Variants in SLC31A1 observed in about 807,000 individuals in gnomAD.
SLC31A1 encodes the protein high affinity copper uptake protein 1.
SLC31A1 carries 5 observed loss-of-function variants against 17.2 expected under a neutral mutation model. That is an observed-to-expected ratio of 0.29 (90% CI 0.15 to 0.61). The LOEUF (loss-of-function observed/expected upper bound fraction) is 0.61. Ranked by LOEUF, SLC31A1 falls within the 20% of genes least tolerant of loss-of-function variation. The probability of loss-of-function intolerance (pLI) is 0.86; values close to 1 mark genes in which losing one functional copy is unlikely to be tolerated. For synonymous variants in SLC31A1, 76 were observed against 78.8 expected, an observed-to-expected ratio of 0.96 and a Z score of 0.19; for missense variants, 161 against 241.4, an observed-to-expected ratio of 0.67 and a Z score of 2.21.
At chr9:113,253,019 TCTCG>T (rs1831676531) in intron 1 of SLC31A1, among the ~76,000 whole-genome samples, 1 of 147,606 alleles carries the variant, frequency 6.8e-6, no homozygotes, top group East Asian at 2.0e-4. Context: ...AGTGGCGCGG[TCTCG>T]CTTTACTGCA....
At chr9:113,254,141 A>T (rs986236652) in intron 1 of SLC31A1, among the ~76,000 whole-genome samples, 1 of 151,746 alleles carries the variant, frequency 6.6e-6, no homozygotes, top group Admixed American at 6.6e-5. Context: ...TTTAGTAGAG[A>T]TGGGGTTTCA....
At chr9:113,248,024 G>C (rs1328508185) in intron 1 of SLC31A1, among the ~76,000 whole-genome samples, 2 of 151,950 alleles carry the variant, frequency 1.3e-5, no homozygotes, top group African/African-American at 4.8e-5. Context: ...CTTCCTTAAT[G>C]ATCCAAGAAG....
chr9:113,248,891 G>T (rs1831615309), intron 1 of SLC31A1, among the ~76,000 whole-genome samples: 1 of 152,148 alleles, frequency 6.6e-6, no homozygotes, highest in Admixed American at 6.5e-5. Flanking sequence ...TTTGATTAAT[G>T]CCTTCTCCCA....
chr9:113,224,798 T>A (rs1423474560), intron 1 of SLC31A1, among the ~76,000 whole-genome samples: 1 of 152,162 alleles, frequency 6.6e-6, no homozygotes, highest in Non-Finnish European at 1.5e-5. Context: ...TACTAGAGAG[T>A]CTATGTAGTA....
intron 1 of SLC31A1, among the ~76,000 whole-genome samples, chr9:113,234,209 T>A (rs928458577): frequency 6.6e-6 from 1 of 152,096 alleles, no homozygotes; most frequent in Admixed American, 6.6e-5. Context: ...ACTTTTTTTT[T>A]TTATTTTTTG....
chr9:113,222,854 T>C (rs1831298861), intron 1 of SLC31A1, among the ~76,000 whole-genome samples: 1 of 152,180 alleles, frequency 6.6e-6, no homozygotes, highest in African/African-American at 2.4e-5. Context: ...TTAAGTACCA[T>C]GGCACTTTCT....
At chr9:113,257,576 C>T (rs1831743087) in intron 3 of SLC31A1, among the ~76,000 whole-genome samples, 1 of 150,542 alleles carries the variant, frequency 6.6e-6, no homozygotes, top group Non-Finnish European at 1.5e-5. Flanking sequence ...ATCTCTGCCT[C>T]CCAGGTTCAA....
intron 1 of SLC31A1, among the ~76,000 whole-genome samples, chr9:113,238,351 GA>G (rs1180589504): frequency 6.6e-6 from 1 of 152,188 alleles, no homozygotes; most frequent in African/African-American, 2.4e-5. Flanking sequence ...TACTGAGGTT[GA>G]AACCCTGAGA....
intron 1 of SLC31A1, among the ~76,000 whole-genome samples, chr9:113,244,155 CAAAAAAAAA>C (rs1200835310): frequency 2.4e-5 from 1 of 41,306 alleles, no homozygotes; most frequent in South Asian, 1.1e-3. Flanking sequence ...AACTCCATCT[CAAAAAAAAA>C]AAAAAAAAAA....
intron 1 of SLC31A1, among the ~76,000 whole-genome samples, chr9:113,254,408 G>A (rs1221433229): frequency 1.3e-5 from 2 of 152,106 alleles, no homozygotes; most frequent in African/African-American, 4.8e-5. Context: ...TATATAATAG[G>A]AGCTTGATAA....
intron 1 of SLC31A1, among the ~76,000 whole-genome samples, chr9:113,245,717 A>C: frequency 6.7e-6 from 1 of 149,538 alleles, no homozygotes. Context: ...TGCAGCCATG[A>C]CCTCCCAAGA....
intron 4 of SLC31A1, among the ~76,000 whole-genome samples, chr9:113,260,018 G>A (rs1031425691): frequency 2.0e-5 from 3 of 152,090 alleles, no homozygotes; most frequent in African/African-American, 4.8e-5. Context: ...ATTACTCCTC[G>A]TCCTTTTCTC....
Position 113,257,118 on chromosome 9 carries a change from G to T in SLC31A1, c.135G>T (p.Met45Ile). ...TTGTTTTGGTTTTCTGGCAGCCTAT[G>T]ACCTTCTACTTTGGCTTTAAGAATG... is the stretch of plus-strand genomic sequence containing the variant. ...GGDSSMMMMP[M>I]TFYFGFKNVE... The change falls in exon 3 of 5, where the codon ATG becomes ATT. Residue 45 changes from methionine to isoleucine, a missense_variant. By Grantham distance (10) the Met-to-Ile change is conservative. Transcript: ENST00000374212. 6.2e-7 allele frequency: 1 copy of T among 1,613,772 alleles called. No individual in the cohort carries two copies. The highest frequency in any genetic ancestry group is 8.5e-7 in the Non-Finnish European group (1 of 1,179,748).
chr9:113,229,331 C>T (rs914050667), intron 1 of SLC31A1, among the ~76,000 whole-genome samples: 1 of 152,180 alleles, frequency 6.6e-6, no homozygotes, highest in African/African-American at 2.4e-5. Flanking sequence ...CCCAACTCCC[C>T]TGCAGATAGT....
At chr9:113,246,976 A>G (rs1831588034) in intron 1 of SLC31A1, among the ~76,000 whole-genome samples, 1 of 152,222 alleles carries the variant, frequency 6.6e-6, no homozygotes, top group Non-Finnish European at 1.5e-5. Context: ...GGGCAATCAA[A>G]ACAAAGCCAG....
In SLC31A1 at chr9:113,225,867, C is replaced by G. The variant is rs758188794; in HGVS notation, c.-36+4189C>G. On this transcript the variant is annotated intron_variant, in intron 1 of 4. Coordinates refer to ENST00000374212, the MANE Select transcript of SLC31A1 (RefSeq NM_001859.4). ...ATAATCACTAGAAAAGCAAAGTGTTCGGCCAGGTGTGGTGGCTCCCGCCTG... is the reference window on the plus strand; with the variant it reads ...ATAATCACTAGAAAAGCAAAGTGTTGGGCCAGGTGTGGTGGCTCCCGCCTG... Among the ~76,000 whole-genome samples the G allele has an allele frequency of 2.6e-5, 4 of 152,066 alleles. No homozygotes were observed. In the South Asian group the frequency reaches 6.2e-4, roughly 24 times the overall value.
rs1016389562 is a variant in SLC31A1 at position 113,258,923 on chromosome 9, G to A, written c.371+61G>A. On this transcript the variant is annotated intron_variant, in intron 4 of 4. Transcript: ENST00000374212. This position sits in a 1 kb window ranked among gnomAD's most constrained non-coding sequence, Gnocchi z 4.8. ...AACTCGATCAGTTAAGCAGCAAAGC[G>A]CAGCTGTGTGATCAGCAGCAGCCCT... 2.8e-5 allele frequency: 43 copies of A among 1,534,996 alleles called. No individual in the cohort carries two copies. The highest frequency in any genetic ancestry group is 2.5e-4 in the South Asian group (22 of 89,360).
rs1831753652 is a variant in SLC31A1 at position 113,258,578 on chromosome 9, T to C, written c.203-116T>C. 17 of 1,106,876 alleles carry C rather than the reference T, an allele frequency of 1.5e-5. No individual in the cohort carries two copies. Among genetic ancestry groups the C allele is most frequent in the Non-Finnish European group, 2.2e-5 (16 of 727,086 alleles). The allele number at this position is 1,106,876 out of a possible 1,614,324, so 68.6% of individuals were successfully genotyped here. A position where few individuals can be genotyped will look rare whatever the true frequency, so the allele number is the denominator to read the frequency against. On this transcript the variant is annotated intron_variant, in intron 3 of 4. Coordinates refer to ENST00000374212, the MANE Select transcript of SLC31A1 (RefSeq NM_001859.4). This position sits in a 1 kb window ranked among gnomAD's most constrained non-coding sequence, Gnocchi z 4.8. The stretch of plus-strand genomic sequence containing the variant: ...AGCAAGAGAAGAGGTAAAAATATAA[T>C]GTCTTCAAAAGCTGAGAGTAGCATT...
Position 113,258,682 on chromosome 9 carries a change from T to C in SLC31A1, c.203-12T>C, listed in dbSNP as rs755278488. 1.2e-6 allele frequency: 2 copies of C among 1,614,010 alleles called. No individual in the cohort carries two copies. Among genetic ancestry groups the C allele is most frequent in the South Asian group, 2.2e-5 (2 of 91,078 alleles). ...GTTTGACAGTACCTCCATATTTTCC[T>C]TCCATACTTAGAAATGGCTGGAGCT... On this transcript the variant is annotated splice_polypyrimidine_tract_variant and intron_variant, in intron 3 of 4. Coordinates refer to ENST00000374212, the MANE Select transcript of SLC31A1 (RefSeq NM_001859.4). The surrounding 1 kb of genome is among the most constrained non-coding windows in gnomAD (Gnocchi z 4.8).
Sources: gnomAD v4.1 joint callset for allele counts (sites outside exome capture counted in the v4.1 genomes callset) on GRCh38, gnomAD v4.1.1 for gene constraint, Gnocchi (gnomAD v3.1) non-coding constraint, MANE v1.5 for transcripts, NCBI Gene and HGNC (gene_info 2026-07-23, HGNC 2026-07-21) for gene names.